The following IFT80 variants were observed in gnomAD, a reference collection of about 807,000 sequenced individuals.
IFT80 encodes intraflagellar transport protein 80 homolog.
In IFT80, 79 loss-of-function variants were observed where a neutral mutation model predicts 107.9. The observed-to-expected ratio is 0.73, with a 90% CI of 0.61 to 0.88. The LOEUF (loss-of-function observed/expected upper bound fraction) is 0.88, where lower values mean the gene tolerates loss of function less well. Ranked by LOEUF, IFT80 falls within the 40% of genes least tolerant of loss-of-function variation. The pLI is 0.00. For synonymous variants in IFT80, 299 were observed against 300.9 expected, an observed-to-expected ratio of 0.99 and a Z score of 0.07; for missense variants, 797 against 914.2, an observed-to-expected ratio of 0.87 and a Z score of 1.65.
chr3:160,285,958 T>C (rs12636247), intron 12 of IFT80, 90 bp from the exon 13 acceptor site: 2 of 898,118 alleles, frequency 2.2e-6, no homozygotes, highest in African/African-American at 1.7e-5. Context: ...TTATAAGAAA[T>C]TATTTAACTC....
At chr3:160,283,198 T>C (rs1714826296) in intron 13 of IFT80, among the ~76,000 whole-genome samples, 1 of 152,188 alleles carries the variant, frequency 6.6e-6, no homozygotes, top group Admixed American at 6.5e-5. Flanking sequence ...CAGTGTCAAG[T>C]ATATCTAAAC....
At chr3:160,334,426 C>T (rs1719310776) in intron 8 of IFT80, among the ~76,000 whole-genome samples, 1 of 140,700 alleles carries the variant, frequency 7.1e-6, no homozygotes, top group East Asian at 2.0e-4. Context: ...CAAATTGGCT[C>T]GCTTTTTTTT....
chr3:160,315,082 AG>A (rs1717705632), intron 9 of IFT80, among the ~76,000 whole-genome samples: 4 of 46,664 alleles, frequency 8.6e-5, no homozygotes, highest in African/African-American at 3.3e-4. Flanking sequence ...GGAGGGAGGG[AG>A]GGAGGGAAAA....
Position 160,279,341 on chromosome 3 carries a change from A to T in IFT80, c.1688T>A (p.Ile563Asn). 1 of 1,613,410 alleles carries T rather than the reference A, an allele frequency of 6.2e-7. No homozygotes were observed. The highest frequency in any genetic ancestry group is 8.5e-7 in the Non-Finnish European group (1 of 1,179,498). ...TACTTGATTTCCAACAAAACTCACAATATGGGGATTTTTACTAAATTCACT... is the reference window on the plus strand; with the variant it reads ...TACTTGATTTCCAACAAAACTCACATTATGGGGATTTTTACTAAATTCACT... ...DASEFSKNPH[I>N]VSFVGNQVTI... Residue 563 changes from isoleucine to asparagine, a missense_variant, in exon 16 of 20, where the codon ATT becomes AAT. Ile to Asn is a moderately radical substitution (Grantham distance 149). Transcript: ENST00000326448.
At chr3:160,285,901 T>G (rs1715051750) in intron 12 of IFT80, 33 bp from the exon 13 acceptor site, 1 of 1,475,844 alleles carries the variant, frequency 6.8e-7, no homozygotes, top group African/African-American at 1.4e-5. Context: ...ATTAATGTGT[T>G]ATATTAGAAT....
intron 5 of IFT80, among the ~76,000 whole-genome samples, chr3:160,372,400 T>C (rs1711594080): frequency 6.6e-6 from 1 of 152,176 alleles, no homozygotes; most frequent in Admixed American, 6.6e-5. Context: ...CAGTCTCTAA[T>C]AGATCAAAGA....
At chr3:160,280,947 T>TG (rs1433299417) in intron 14 of IFT80, 133 bp from the exon 15 acceptor site, 1 of 767,888 alleles carries the variant, frequency 1.3e-6, no homozygotes, top group Non-Finnish European at 2.2e-6. Context: ...GATTCTATAA[T>TG]GGTGAAAAAC....
At chr3:160,395,743 CAAGGA>C (rs1411371756) in intron 1 of IFT80, among the ~76,000 whole-genome samples, 1 of 152,148 alleles carries the variant, frequency 6.6e-6, no homozygotes, top group Non-Finnish European at 1.5e-5. Context: ...GAGTTCAAAG[CAAGGA>C]AAGAAACCAA....
chr3:160,339,408 G>C (rs1053590596), intron 8 of IFT80, among the ~76,000 whole-genome samples: 2 of 152,146 alleles, frequency 1.3e-5, no homozygotes, highest in Admixed American at 6.5e-5. Flanking sequence ...TTATGATTAT[G>C]GGTATTATTT....
intron 18 of IFT80, among the ~76,000 whole-genome samples, chr3:160,273,672 G>A (rs1714002675): frequency 6.6e-6 from 1 of 152,190 alleles, no homozygotes; most frequent in South Asian, 2.1e-4. Context: ...TAATGGAAAT[G>A]TTAAGTAGGT....
chr3:160,371,420 C>T (rs1449042880), intron 5 of IFT80, among the ~76,000 whole-genome samples: 2 of 152,150 alleles, frequency 1.3e-5, no homozygotes. Flanking sequence ...CTTTGTATTA[C>T]AATTATTTAT....
intron 5 of IFT80, among the ~76,000 whole-genome samples, chr3:160,366,808 G>C (rs1047996105): frequency 2.6e-5 from 4 of 151,776 alleles, no homozygotes; most frequent in African/African-American, 9.7e-5. Context: ...TTTTTCCTTT[G>C]TGTTATGAAC....
chr3:160,324,245 T>C (rs568223248), intron 8 of IFT80, among the ~76,000 whole-genome samples: 7 of 152,160 alleles, frequency 4.6e-5, no homozygotes, highest in East Asian at 1.9e-4. Flanking sequence ...TTCCAGTCAA[T>C]AGAAAAAGAG....
chr3:160,278,713 G>A (rs551264497), intron 16 of IFT80, among the ~76,000 whole-genome samples: 2 of 152,266 alleles, frequency 1.3e-5, no homozygotes, highest in South Asian at 4.2e-4. Flanking sequence ...TTTCACAAAA[G>A]TGTATTCTAA....
chr3:160,398,318 T>C (rs759515716), intron 1 of IFT80, among the ~76,000 whole-genome samples: 1 of 152,140 alleles, frequency 6.6e-6, no homozygotes, highest in Non-Finnish European at 1.5e-5. Context: ...CCATAATGTA[T>C]TTAGAGTGAT....
intron 1 of IFT80, among the ~76,000 whole-genome samples, chr3:160,389,771 A>G (rs1713223497): frequency 6.6e-6 from 1 of 152,140 alleles, no homozygotes; most frequent in Non-Finnish European, 1.5e-5. Flanking sequence ...TGCTATAGTG[A>G]ATAGTGCTAC....
chr3:160,327,671 C>A (rs1388924747), intron 8 of IFT80, among the ~76,000 whole-genome samples: 1 of 152,090 alleles, frequency 6.6e-6, no homozygotes, highest in Admixed American at 6.6e-5. Flanking sequence ...CTTCCTTAAA[C>A]CATATACAAA....
At chr3:160,387,812 A>C (rs1713057528) in intron 1 of IFT80, among the ~76,000 whole-genome samples, 1 of 152,218 alleles carries the variant, frequency 6.6e-6, no homozygotes, top group South Asian at 2.1e-4. Flanking sequence ...AATAAGATGA[A>C]ATTACCAAAG....
intron 8 of IFT80, among the ~76,000 whole-genome samples, chr3:160,341,651 T>TA (rs993314702): frequency 8.6e-5 from 13 of 150,646 alleles, no homozygotes; most frequent in South Asian, 2.1e-4. Context: ...CTCTCTCAAA[T>TA]AAAAAAAAAT....
Sources: gnomAD v4.1 joint callset for allele counts (sites outside exome capture counted in the v4.1 genomes callset) on GRCh38, gnomAD v4.1.1 for gene constraint, MANE v1.5 for transcripts, NCBI Gene and HGNC (gene_info 2026-07-23, HGNC 2026-07-21) for gene names.